DDX42: variants seen among roughly 807,000 people sequenced by gnomAD.
The protein encoded by DDX42 is ATP-dependent RNA helicase DDX42.
DDX42 carries 22 observed loss-of-function variants against 101.5 expected under a neutral mutation model. The ratio of observed to expected loss-of-function variants is 0.22; its 90% CI spans 0.15 to 0.31. The LOEUF (loss-of-function observed/expected upper bound fraction) is 0.31, where lower values mean the gene tolerates loss of function less well. Among genes scored for constraint, DDX42 ranks in the 10% least tolerant of loss-of-function variants. The probability of loss-of-function intolerance (pLI) is 1.00; values close to 1 mark genes in which losing one functional copy is unlikely to be tolerated. For synonymous variants in DDX42, 402 were observed against 401.2 expected, an observed-to-expected ratio of 1.00 and a Z score of -0.02; for missense variants, 849 against 1,199.9, an observed-to-expected ratio of 0.71 and a Z score of 4.32.
rs1229777405 is a variant in DDX42 at position 63,817,901 on chromosome 17, G to A, written c.2320G>A (p.Gly774Ser). ...PGFGNTGNIS[G>S]APVTYPSAGA... ...CTTTGGCAATACTGGCAACATCAGT[G>A]GTGCCCCTGTGACCTACCCGTCTGC... Residue 774 changes from glycine to serine, a missense_variant, in exon 18 of 18, where the codon GGT becomes AGT. Gly to Ser is a moderately conservative substitution (Grantham distance 56). Coordinates refer to ENST00000389924, the MANE Select transcript of DDX42 (RefSeq NM_203499.3). 3.0e-5 allele frequency: 49 copies of A among 1,614,184 alleles called. No individual in the cohort carries two copies. Among genetic ancestry groups the A allele is most frequent in the Non-Finnish European group, 4.2e-5 (49 of 1,180,030 alleles).
intron 6 of DDX42, among the ~76,000 whole-genome samples, chr17:63,803,418 C>G (rs143658818): frequency 6.6e-6 from 1 of 151,500 alleles, no homozygotes; most frequent in African/African-American, 2.4e-5. Context: ...GTGAAACCCC[C>G]GTCTTTGGGA....
rs942367590 is a variant in DDX42 at position 63,804,771 on chromosome 17, C to A, written c.622-300C>A. ...TGAGGTGGCGTGAGAATTGTTTGAACCGGGGAGGTGGAGGCTGCAGTGAGC... is the reference window on the plus strand; with the variant it reads ...TGAGGTGGCGTGAGAATTGTTTGAAACGGGGAGGTGGAGGCTGCAGTGAGC... On this transcript the variant is annotated intron_variant, in intron 6 of 17. Coordinates refer to ENST00000389924, the MANE Select transcript of DDX42 (RefSeq NM_203499.3). Among the ~76,000 whole-genome samples the A allele has an allele frequency of 1.6e-4, 25 of 152,152 alleles. 1 individual carries two copies. The highest frequency in any genetic ancestry group is 1.1e-3 in the Admixed American group (17 of 15,276).
intron 1 of DDX42, among the ~76,000 whole-genome samples, chr17:63,782,030 G>A (rs7221573): frequency 0.7 from 105,414 of 151,654 alleles, 37,907 homozygotes; most frequent in African/African-American, 0.9. Context: ...AATAAAAAAA[G>A]AATTGTCTTA....
At chr17:63,780,302 C>A (rs200515537) in intron 1 of DDX42, among the ~76,000 whole-genome samples, 118 of 144,774 alleles carry the variant, frequency 8.2e-4, no homozygotes, top group Non-Finnish European at 9.1e-4. Context: ...CTCAAAAAAA[C>A]AAAAAAAAAA....
intron 2 of DDX42, among the ~76,000 whole-genome samples, chr17:63,792,148 TTTAAC>T (rs1486648621): frequency 6.6e-6 from 1 of 152,112 alleles, no homozygotes; most frequent in Non-Finnish European, 1.5e-5. Flanking sequence ...ACTCTTCCCT[TTTAAC>T]AGAACTGGGA....
At chr17:63,781,518 A>G (rs2039487710) in intron 1 of DDX42, among the ~76,000 whole-genome samples, 1 of 151,770 alleles carries the variant, frequency 6.6e-6, no homozygotes, top group Non-Finnish European at 1.5e-5. Flanking sequence ...TGCCTGGCAC[A>G]TTTTAGTTCT....
In DDX42 at chr17:63,774,219, C is replaced by CGGAGGCGGTGGCGGT. The variant is rs2039383295; in HGVS notation, c.-172_-171insAGGCGGTGGCGGTGG. On this transcript the variant is annotated 5_prime_UTR_variant, in exon 1 of 18. Coordinates refer to ENST00000389924, the MANE Select transcript of DDX42 (RefSeq NM_203499.3). ...GGCCGTGAGGCGGTGGCGGTGGTGG[C>CGGAGGCGGTGGCGGT]GGTGGCGGCGGCGGTGGTGGTGGTG... The CGGAGGCGGTGGCGGT allele has an allele frequency of 3.1e-5, 6 of 192,650 alleles. No homozygotes were observed. In the Admixed American group the frequency reaches 4.0e-4, roughly 13 times the overall value. 11.9% of individuals were successfully genotyped at this position (192,650 alleles called of 1,614,324 possible). A position where few individuals can be genotyped will look rare whatever the true frequency, so the allele number is the denominator to read the frequency against.
intron 5 of DDX42, 39 bp from the exon 6 acceptor site, chr17:63,800,429 T>C (rs1216608214): frequency 6.3e-7 from 1 of 1,595,302 alleles, no homozygotes; most frequent in East Asian, 2.2e-5. Flanking sequence ...CATTCTCAAT[T>C]GTACTTGGGT....
chr17:63,779,417 C>T (rs1292733077), intron 1 of DDX42, among the ~76,000 whole-genome samples: 1 of 152,104 alleles, frequency 6.6e-6, no homozygotes, highest in Non-Finnish European at 1.5e-5. Flanking sequence ...GTGCACACCA[C>T]CACACCTGGG....
intron 1 of DDX42, among the ~76,000 whole-genome samples, chr17:63,779,781 G>A (rs1014037790): frequency 6.7e-6 from 1 of 150,164 alleles, no homozygotes; most frequent in African/African-American, 2.5e-5. Context: ...ATGGGGTCTC[G>A]CTGTGTTGCC....
At chr17:63,809,689 C>A in intron 11 of DDX42, 30 bp downstream of exon 11, 1 of 1,566,046 alleles carries the variant, frequency 6.4e-7, no homozygotes, top group Non-Finnish European at 8.8e-7. Flanking sequence ...TTCTTCTGTC[C>A]CCATCCTCAT....
chr17:63,784,225 T>C (rs1393594142), intron 1 of DDX42, among the ~76,000 whole-genome samples: 3 of 152,328 alleles, frequency 2.0e-5, no homozygotes, highest in Middle Eastern at 3.4e-3. Context: ...ATAAACAGTT[T>C]TTGGAATTTT....
rs1031046206 is a variant in DDX42, at chr17:63,811,069, C to G, written c.1301-7C>G. The G allele has an allele frequency of 1.9e-6, 3 of 1,611,790 alleles. No homozygotes were observed. The Admixed American group carries it at 5.0e-5, about 27-fold the overall frequency. On this transcript the variant is annotated splice_polypyrimidine_tract_variant and splice_region_variant and intron_variant, in intron 12 of 17. Transcript: ENST00000389924. ...GTTTCTCTAACAGAATTTATCTTAC[C>G]TTTTAGCTCTCTTATTTAGTGCAAC...
chr17:63,793,722 C>A (rs993278524), intron 3 of DDX42, among the ~76,000 whole-genome samples: 1 of 152,040 alleles, frequency 6.6e-6, no homozygotes, highest in Non-Finnish European at 1.5e-5. Flanking sequence ...ATCCTTCTTG[C>A]CATCTTCCTC....
chr17:63,799,421 C>T, intron 4 of DDX42, 168 bp from the exon 5 acceptor site: 1 of 585,584 alleles, frequency 1.7e-6, no homozygotes, highest in East Asian at 2.8e-5. Context: ...TGCAGCTACA[C>T]ATATATATAA....
intron 3 of DDX42, among the ~76,000 whole-genome samples, chr17:63,796,129 T>C (rs549560045): frequency 5.1e-4 from 78 of 152,350 alleles, no homozygotes; most frequent in Non-Finnish European, 4.4e-4. Flanking sequence ...CATTTCCTAA[T>C]GGGCTATGTT....
At chr17:63,781,200 A>G (rs1348415607) in intron 1 of DDX42, among the ~76,000 whole-genome samples, 2 of 152,008 alleles carry the variant, frequency 1.3e-5, no homozygotes, top group Non-Finnish European at 2.9e-5. Context: ...TGCCTATACA[A>G]CAGAAGAATT....
chr17:63,785,989 A>G (rs2039543666), intron 1 of DDX42, among the ~76,000 whole-genome samples: 2 of 152,190 alleles, frequency 1.3e-5, no homozygotes, highest in South Asian at 2.1e-4. Flanking sequence ...TAGTCTTTTC[A>G]TATCTCCAGT....
intron 3 of DDX42, among the ~76,000 whole-genome samples, chr17:63,796,242 T>C (rs2039691042): frequency 6.6e-6 from 1 of 152,228 alleles, no homozygotes; most frequent in South Asian, 2.1e-4. Context: ...TTTATGGTAG[T>C]ACAAACTGGC....
Sources: allele counts gnomAD v4.1 joint callset (sites outside exome capture counted in the v4.1 genomes callset), GRCh38; gene constraint gnomAD v4.1.1; transcripts MANE v1.5; gene names NCBI Gene and HGNC (gene_info 2026-07-23, HGNC 2026-07-21).